The following METTL15 variants were observed in gnomAD, a reference collection of about 807,000 sequenced individuals.
METTL15 encodes the protein methyltransferase 15, mitochondrial 12S rRNA N4-cytidine.
In METTL15, 34 loss-of-function variants were observed where a neutral mutation model predicts 38.3. The ratio of observed to expected loss-of-function variants is 0.89; its 90% CI spans 0.68 to 1.18. The LOEUF is 1.18. METTL15 is among the 50% of genes most tolerant of loss of function. The probability of loss-of-function intolerance (pLI) is 0.00; values close to 1 mark genes in which losing one functional copy is unlikely to be tolerated. For synonymous variants in METTL15, 162 were observed against 170.9 expected, an observed-to-expected ratio of 0.95 and a Z score of 0.41; for missense variants, 438 against 498.4, an observed-to-expected ratio of 0.88 and a Z score of 1.15.
intron 4 of METTL15, among the ~76,000 whole-genome samples, chr11:28,233,692 A>C (rs1853793710): frequency 6.6e-6 from 1 of 152,128 alleles, no homozygotes; most frequent in Admixed American, 6.6e-5. Context: ...TCAGTCACTC[A>C]GCTAACATCC....
At chr11:28,358,271 T>C (rs1236590361) in intron 4 of METTL15, among the ~76,000 whole-genome samples, 1 of 152,170 alleles carries the variant, frequency 6.6e-6, no homozygotes, top group African/African-American at 2.4e-5. Flanking sequence ...CACCTTGATT[T>C]TACCCCTGTG....
chr11:28,446,827 A>G (rs991725256), intron 6 of METTL15, among the ~76,000 whole-genome samples: 9 of 152,216 alleles, frequency 5.9e-5, no homozygotes, highest in African/African-American at 1.9e-4. Context: ...TTCTCTTTCC[A>G]TACCCCTAAT....
At chr11:28,264,756 C>A (rs891377922) in intron 4 of METTL15, among the ~76,000 whole-genome samples, 3 of 152,030 alleles carry the variant, frequency 2.0e-5, no homozygotes, top group Admixed American at 6.6e-5. Flanking sequence ...TTGGTTCTTC[C>A]ACAAATTAAC....
intron 4 of METTL15, among the ~76,000 whole-genome samples, chr11:28,215,517 A>G (rs1852826882): frequency 6.6e-6 from 1 of 152,032 alleles, no homozygotes; most frequent in South Asian, 2.1e-4. Context: ...TTAGGCCTTC[A>G]CTTGGGGCTA....
Position 28,458,900 on chromosome 11 carries a change from A to G in METTL15, c.*424+34536A>G, listed in dbSNP as rs999282535. On this transcript the variant is annotated intron_variant and NMD_transcript_variant, in intron 6 of 7. Coordinates refer to the METTL15 transcript ENST00000532947. ...GAAAGTTCAACTGGAATGTTCAGAA[A>G]TTTATTCTTTTATGTAGTCACTTTT... 1.1e-4 allele frequency among the ~76,000 whole-genome samples: 17 copies of G among 152,180 alleles called. 1 individual carries two copies. The highest frequency in any genetic ancestry group is 3.9e-4 in the African/African-American group (16 of 41,464).
intron 6 of METTL15, among the ~76,000 whole-genome samples, chr11:28,455,691 G>A (rs1488136325): frequency 3.3e-5 from 5 of 152,120 alleles, no homozygotes; most frequent in East Asian, 1.9e-4. Context: ...ATACTGCATG[G>A]TTTCTTATTT....
intron 4 of METTL15, among the ~76,000 whole-genome samples, chr11:28,239,146 T>C (rs1393083925): frequency 6.6e-6 from 1 of 152,180 alleles, no homozygotes; most frequent in Non-Finnish European, 1.5e-5. Context: ...TCCAGATTTT[T>C]ATCTTCAGCC....
chr11:28,416,072 A>G (rs1850769715), intron 5 of METTL15, among the ~76,000 whole-genome samples: 1 of 152,240 alleles, frequency 6.6e-6, no homozygotes, highest in Non-Finnish European at 1.5e-5. Flanking sequence ...TTACCTGGAA[A>G]GTCCAGATTG....
intron 4 of METTL15, among the ~76,000 whole-genome samples, chr11:28,240,567 A>T (rs968680306): frequency 2.5e-4 from 38 of 152,220 alleles, no homozygotes; most frequent in African/African-American, 9.2e-4. Context: ...ACAGAGATCC[A>T]GTCATATAGC....
chr11:28,376,166 G>A (rs928694906), intron 5 of METTL15, among the ~76,000 whole-genome samples: 2 of 151,904 alleles, frequency 1.3e-5, no homozygotes, highest in African/African-American at 2.4e-5. Flanking sequence ...GGAGAGTTCT[G>A]TAGATGTCTA....
chr11:28,158,525 G>A (rs371857353), intron 3 of METTL15, among the ~76,000 whole-genome samples: 93 of 152,282 alleles, frequency 6.1e-4, no homozygotes, highest in Non-Finnish European at 1.1e-3. Context: ...CTACCTGGTG[G>A]CAGGTTGATT....
intron 3 of METTL15, among the ~76,000 whole-genome samples, chr11:28,154,703 C>G (rs1462091637): frequency 1.3e-5 from 2 of 152,022 alleles, no homozygotes; most frequent in African/African-American, 4.8e-5. Context: ...CTCTCTCATA[C>G]AAGGATTGTG....
intron 3 of METTL15, among the ~76,000 whole-genome samples, chr11:28,201,671 G>T (rs879920128): frequency 1.5e-5 from 2 of 130,952 alleles, no homozygotes; most frequent in Non-Finnish European, 3.3e-5. Flanking sequence ...TATTTGTGTA[G>T]AGGTGTTTAT....
intron 4 of METTL15, among the ~76,000 whole-genome samples, chr11:28,257,864 C>T (rs1257233989): frequency 6.6e-6 from 1 of 152,162 alleles, no homozygotes; most frequent in East Asian, 1.9e-4. Context: ...TCACATATTT[C>T]TAATTCTTCA....
chr11:28,254,813 C>G (rs1854906094), intron 4 of METTL15, among the ~76,000 whole-genome samples: 1 of 151,980 alleles, frequency 6.6e-6, no homozygotes, highest in South Asian at 2.1e-4. Context: ...TCTGGATTCT[C>G]TATTCTCTTC....
intron 6 of METTL15, among the ~76,000 whole-genome samples, chr11:28,518,507 G>A (rs924098207): frequency 3.3e-5 from 5 of 152,198 alleles, no homozygotes; most frequent in African/African-American, 1.2e-4. Context: ...GGGCAGGAAT[G>A]TCTATAAGCA....
intron 3 of METTL15, among the ~76,000 whole-genome samples, chr11:28,130,444 A>G (rs1390412518): frequency 6.6e-6 from 1 of 152,196 alleles, no homozygotes; most frequent in African/African-American, 2.4e-5. Flanking sequence ...TAATAGTCAT[A>G]CTATTTGAAA....
At chr11:28,126,109 A>G (rs900351894) in intron 3 of METTL15, among the ~76,000 whole-genome samples, 1 of 152,132 alleles carries the variant, frequency 6.6e-6, no homozygotes, top group East Asian at 1.9e-4. Context: ...TAGGTAGCAC[A>G]TTAAATCAGA....
In METTL15 at chr11:28,497,914, C is replaced by T. The variant is rs1382426039; in HGVS notation, c.*425-28564C>T. On this transcript the variant is annotated intron_variant and NMD_transcript_variant, in intron 6 of 7. Transcript: ENST00000532947. ...ACTAAAAATACAAAAAGTAGCCAGG[C>T]GTGGTGGTGCATGACTTTAATTCCA... is the stretch of plus-strand genomic sequence containing the variant. Among the ~76,000 whole-genome samples, 8 of 151,998 alleles carry T rather than the reference C, an allele frequency of 5.3e-5. 1 individual carries two copies. In the South Asian group the frequency reaches 8.3e-4, roughly 16 times the overall value.
Sources: allele counts gnomAD v4.1 joint callset (sites outside exome capture counted in the v4.1 genomes callset), GRCh38; gene constraint gnomAD v4.1.1; transcripts MANE v1.5; gene names NCBI Gene and HGNC (gene_info 2026-07-23, HGNC 2026-07-21).